Variants in RGS9 observed in about 807,000 individuals in gnomAD.
RGS9 encodes regulator of G protein signaling 9.
RGS9 carries 78 observed loss-of-function variants against 102.0 expected under a neutral mutation model. That is an observed-to-expected ratio of 0.76 (90% CI 0.64 to 0.92). RGS9 has a LOEUF of 0.92. Among genes scored for constraint, RGS9 ranks in the 40% least tolerant of loss-of-function variants. The pLI is 0.00. For missense variants in RGS9, 833 were observed against 866.1 expected (o/e 0.96, Z 0.48); for synonymous variants, 353 against 318.6 (o/e 1.11, Z -1.15).
chr17:65,163,129 TC>T, intron 7 of RGS9, 40 bp downstream of exon 7: 1 of 960,596 alleles, frequency 1.0e-6, no homozygotes, highest in Non-Finnish European at 1.6e-6. Context: ...TCGGTGTCTT[TC>T]CTCCCTCTCT....
Position 65,160,901 on chromosome 17 carries a change from T to C in RGS9, c.415T>C (p.Tyr139His). The change falls in exon 6 of 19, where the codon TAT becomes CAT. Residue 139 changes from tyrosine (Y) to histidine (H), a missense_variant. Physicochemically the swap from Tyr to His is moderately conservative, Grantham distance 83. This residue lies in a region of RGS9 where 328 missense variants were observed against 340.6 expected (regional missense o/e 0.96). Transcript: ENST00000262406. Reference protein sequence around the residue: ...NIKKKGILEEYEKENYNFLNQ... With the variant: ...NIKKKGILEEHEKENYNFLNQ... ...CAAAAAGAAAGGGATTTTGGAAGAA[T>C]ATGAAAAGGTATGGAGGTGCTTTTA... The C allele has an allele frequency of 2.5e-6, 4 of 1,612,866 alleles. No homozygotes were observed. The highest frequency in any genetic ancestry group is 3.4e-6 in the Non-Finnish European group (4 of 1,178,770).
At position 65,151,357 on chromosome 17, in the gene RGS9, A is replaced by T. The variant is rs575171450; in HGVS notation, c.58-2065A>T. Among the ~76,000 whole-genome samples, 1,128 of 131,944 alleles carry T rather than the reference A, an allele frequency of 8.5e-3. 17 individuals are homozygous for T. Among genetic ancestry groups the T allele is most frequent in the African/African-American group, 0.038 (1,071 of 28,424 alleles). The allele number at this position is 131,944 out of a possible 152,430, so 86.6% of individuals were successfully genotyped here. A position where few individuals can be genotyped will look rare whatever the true frequency, so the allele number is the denominator to read the frequency against. On this transcript the variant is annotated intron_variant, in intron 1 of 18. Transcript: ENST00000262406. Reference sequence around the variant, plus strand: ...AAGACCTGTCCCAAAAAAAAAAAAAAAGAGTCCTTCAGCTGATATTATTTC... The same window carrying T: ...AAGACCTGTCCCAAAAAAAAAAAAATAGAGTCCTTCAGCTGATATTATTTC...
intron 15 of RGS9, among the ~76,000 whole-genome samples, chr17:65,204,926 C>T (rs963331043): frequency 1.3e-5 from 2 of 152,080 alleles, no homozygotes; most frequent in Admixed American, 6.6e-5. Flanking sequence ...GTTTCAAGGC[C>T]GAGCTCTTAG....
chr17:65,222,248 C>G (rs1322987273), intron 17 of RGS9, among the ~76,000 whole-genome samples: 1 of 152,224 alleles, frequency 6.6e-6, no homozygotes, highest in Non-Finnish European at 1.5e-5. Context: ...CAGTTGAATC[C>G]TTGCCAAGCT....
chr17:65,221,081 T>A (rs1913691207), intron 17 of RGS9, among the ~76,000 whole-genome samples: 1 of 152,164 alleles, frequency 6.6e-6, no homozygotes, highest in African/African-American at 2.4e-5. Flanking sequence ...GGAAAAGACA[T>A]CTGCTTAGAT....
intron 13 of RGS9, 33 bp from the exon 14 acceptor site, chr17:65,201,960 G>A (rs761938639): frequency 1.3e-5 from 19 of 1,418,340 alleles, no homozygotes; most frequent in Admixed American, 3.3e-5. Context: ...TTTCCTGCCC[G>A]GCCCTCATCC....
chr17:65,211,665 G>C (rs1413735436), intron 17 of RGS9, among the ~76,000 whole-genome samples: 2 of 152,184 alleles, frequency 1.3e-5, no homozygotes, highest in Non-Finnish European at 2.9e-5. Flanking sequence ...CCTTACACTT[G>C]TGCAAGAATG....
chr17:65,224,509 C>T (rs1355726618), intron 17 of RGS9, among the ~76,000 whole-genome samples: 1 of 152,226 alleles, frequency 6.6e-6, no homozygotes, highest in Non-Finnish European at 1.5e-5. Context: ...GGGCCTCAGG[C>T]CCGGAGCAGT....
intron 17 of RGS9, among the ~76,000 whole-genome samples, chr17:65,222,955 C>T (rs1191505158): frequency 2.0e-5 from 3 of 152,184 alleles, no homozygotes; most frequent in Non-Finnish European, 2.9e-5. Flanking sequence ...ACTGCGCCGA[C>T]TCCGAGTCAG....
At chr17:65,221,080 A>G (rs1056560969) in intron 17 of RGS9, among the ~76,000 whole-genome samples, 1 of 152,212 alleles carries the variant, frequency 6.6e-6, no homozygotes, top group Non-Finnish European at 1.5e-5. Flanking sequence ...TGGAAAAGAC[A>G]TCTGCTTAGA....
At chr17:65,195,292 G>T (rs1007651190) in intron 12 of RGS9, among the ~76,000 whole-genome samples, 16 of 152,140 alleles carry the variant, frequency 1.1e-4, no homozygotes, top group African/African-American at 3.9e-4. Flanking sequence ...GGGGAGCATG[G>T]TATTGAAGAC....
At chr17:65,160,451 T>G in intron 4 of RGS9, 85 bp from the exon 5 acceptor site, 1 of 1,577,728 alleles carries the variant, frequency 6.3e-7, no homozygotes, top group South Asian at 1.1e-5. Flanking sequence ...GGGGCCAAGG[T>G]GGTTGGATTT....
intron 5 of RGS9, 32 bp from the exon 6 acceptor site, chr17:65,160,819 A>G: frequency 6.2e-7 from 1 of 1,608,448 alleles, no homozygotes. Context: ...TTGAAAGATG[A>G]TGATGGAAAA....
intron 15 of RGS9, among the ~76,000 whole-genome samples, chr17:65,204,637 C>T (rs1912979397): frequency 6.6e-6 from 1 of 152,176 alleles, no homozygotes; most frequent in Non-Finnish European, 1.5e-5. Flanking sequence ...CCTTGAGCCC[C>T]TCACCCACGG....
intron 1 of RGS9, among the ~76,000 whole-genome samples, chr17:65,141,631 G>T (rs1910160832): frequency 6.6e-6 from 1 of 152,198 alleles, no homozygotes. Flanking sequence ...GAGAAAGACA[G>T]ATGTATAAAC....
chr17:65,218,488 A>C lies in RGS9; in HGVS notation c.1408-6514A>C, dbSNP rs138808502. ...TTTTCTGAAGCCAGGCTTGAATGGTAGGGGAAGGAATGTGGACTTTGGGGT... is the reference window on the plus strand; with the variant it reads ...TTTTCTGAAGCCAGGCTTGAATGGTCGGGGAAGGAATGTGGACTTTGGGGT... On this transcript the variant is annotated intron_variant, in intron 17 of 18. Transcript: ENST00000262406. Among the ~76,000 whole-genome samples the C allele has an allele frequency of 2.6e-5, 4 of 152,306 alleles. 1 individual carries two copies. In the East Asian group the frequency reaches 7.7e-4, roughly 29 times the overall value.
At chr17:65,162,968 A>G (rs370753927) in intron 6 of RGS9, 45 bp from the exon 7 acceptor site, 4 of 1,077,922 alleles carry the variant, frequency 3.7e-6, no homozygotes, top group African/African-American at 3.2e-5. Context: ...GGCACATGGC[A>G]TATGTCTTGG....
At chr17:65,202,588 G>A (rs1912901542) in intron 14 of RGS9, among the ~76,000 whole-genome samples, 1 of 152,040 alleles carries the variant, frequency 6.6e-6, no homozygotes, top group South Asian at 2.1e-4. Context: ...GCGCAGCTTG[G>A]GGTACAAACA....
chr17:65,148,424 C>T (rs1326012855), intron 1 of RGS9, among the ~76,000 whole-genome samples: 1 of 152,186 alleles, frequency 6.6e-6, no homozygotes, highest in Non-Finnish European at 1.5e-5. Context: ...CTTTTGGGTA[C>T]ATACCCAGAA....
Sources: allele counts gnomAD v4.1 joint callset (sites outside exome capture counted in the v4.1 genomes callset), GRCh38; gene constraint gnomAD v4.1.1; regional missense constraint gnomAD v4.1.1; transcripts MANE v1.5; gene names NCBI Gene and HGNC (gene_info 2026-07-23, HGNC 2026-07-21).